The following OXNAD1 variants were observed in gnomAD, a reference collection of about 807,000 sequenced individuals.
OXNAD1 encodes oxidoreductase NAD binding domain containing 1.
A neutral mutation model predicts 32.9 loss-of-function variants in OXNAD1; 34 were observed. That is an observed-to-expected ratio of 1.03 (90% CI 0.79 to 1.38). The LOEUF is 1.38. Among genes scored for constraint, OXNAD1 ranks in the 40% most tolerant of loss-of-function variants. The pLI is 0.00. For missense variants in OXNAD1, 407 were observed against 379.4 expected, an observed-to-expected ratio of 1.07 and a Z score of -0.60; for synonymous variants, 134 against 135.2, an observed-to-expected ratio of 0.99 and a Z score of 0.06.
intron 9 of OXNAD1, among the ~76,000 whole-genome samples, chr3:16,332,832 G>T (rs77503351): frequency 1.9e-4 from 23 of 121,414 alleles, no homozygotes; most frequent in Non-Finnish European, 3.5e-4. Flanking sequence ...TGTGGGCATC[G>T]ATTTATCTAC....
In OXNAD1 at chr3:16,273,384, G is replaced by GTTTT. The variant is rs34572763; in HGVS notation, c.183+1677_183+1680dup. Among the ~76,000 whole-genome samples the GTTTT allele has an allele frequency of 8.0e-4, 97 of 121,006 alleles. 3 individuals carry two copies. Among genetic ancestry groups the GTTTT allele is most frequent in the East Asian group, 3.0e-3 (13 of 4,312 alleles). 79.4% of individuals were successfully genotyped at this position (121,006 alleles called of 152,430 possible). ...GATAGATAGTTAATAGTATTTTCTT[G>GTTTT]TTTTTTTTTTTTTTTTTTGAGACAG... On this transcript the variant is annotated intron_variant, in intron 4 of 8. Coordinates refer to ENST00000285083, the MANE Select transcript of OXNAD1 (RefSeq NM_138381.5).
At position 16,316,951 on chromosome 3, in the gene OXNAD1, A is replaced by G. The variant is rs948871874; in HGVS notation, c.*30+13359A>G. ...GGGCCCTGCTGTGGCTGGCAGGACC[A>G]TTCTGCACAGCCTCACCCTCCACAC... On this transcript the variant is annotated intron_variant, in intron 9 of 9. Coordinates refer to the OXNAD1 transcript ENST00000435829. This position sits in a 1 kb window ranked among gnomAD's most constrained non-coding sequence, Gnocchi z 4.5. The G allele has an allele frequency of 1.2e-5, 19 of 1,613,836 alleles. No homozygotes were observed. The highest frequency in any genetic ancestry group is 1.5e-5 in the Non-Finnish European group (18 of 1,179,998).
chr3:16,316,868 G>A lies in OXNAD1; in HGVS notation c.*30+13276G>A, dbSNP rs1442068316. On this transcript the variant is annotated intron_variant, in intron 9 of 9. Transcript: ENST00000435829. This position sits in a 1 kb window ranked among gnomAD's most constrained non-coding sequence, Gnocchi z 4.5. ...CGTACCAAGCTCTCTGACTTCCTCA[G>A]CATCCCCGTCCCTGGCATCCTCTCC... 6.2e-7 allele frequency: 1 copy of A among 1,614,148 alleles called. No individual in the cohort carries two copies. Among genetic ancestry groups the A allele is most frequent in the Admixed American group, 1.7e-5 (1 of 60,012 alleles).
chr3:16,316,836 C>T lies in OXNAD1; in HGVS notation c.*30+13244C>T. 1 of 1,613,938 alleles carries T rather than the reference C, an allele frequency of 6.2e-7. No individual in the cohort carries two copies. Among genetic ancestry groups the T allele is most frequent in the Non-Finnish European group, 8.5e-7 (1 of 1,179,978 alleles). The stretch of plus-strand genomic sequence containing the variant: ...CACAAATTGCCCAAGACTCAGTTTT[C>T]TTCAACCGTACCAAGCTCTCTGACT... On this transcript the variant is annotated intron_variant, in intron 9 of 9. Transcript: ENST00000435829. The surrounding 1 kb of genome is among the most constrained non-coding windows in gnomAD (Gnocchi z 4.5).
chr3:16,276,925 CT>C (rs201229589), intron 4 of OXNAD1, among the ~76,000 whole-genome samples: 68,395 of 133,596 alleles, frequency 0.51, 16,501 homozygotes, highest in African/African-American at 0.56. Flanking sequence ...TTCTTTCTTT[CT>C]TTTTTTTTTT....
chr3:16,315,495 G>A, intron 9 of OXNAD1: 1 of 150,742 alleles, frequency 6.6e-6, no homozygotes, highest in African/African-American at 2.4e-5. Flanking sequence ...GAAATAACTT[G>A]CCTCACTAAT....
rs77883979 is a variant in OXNAD1 at position 16,266,602 on chromosome 3, CAAAA to C, written c.-159+1118_-159+1121del. On this transcript the variant is annotated intron_variant, in intron 1 of 8. Transcript: ENST00000285083. ...TGGGCGACAGAGCTAGACGCTGTCTCAAAAAAAAAAAAAAAAAAAAAAAAGAAGT... is the reference window on the plus strand; with the variant it reads ...TGGGCGACAGAGCTAGACGCTGTCTCAAAAAAAAAAAAAAAAAAAAGAAGT... Among the ~76,000 whole-genome samples, 6 of 73,084 alleles carry C rather than the reference CAAAA, an allele frequency of 8.2e-5. No homozygotes were observed. In the East Asian group the frequency reaches 1.3e-3, roughly 16 times the overall value. The allele number at this position is 73,084 out of a possible 152,430, so 47.9% of individuals were successfully genotyped here. A position where few individuals can be genotyped will look rare whatever the true frequency, so the allele number is the denominator to read the frequency against.
intron 1 of OXNAD1, among the ~76,000 whole-genome samples, chr3:16,266,602 C>CAAAAAAAAAAAAAAAAAAAAAAAAAAAAA (rs77883979): frequency 1.4e-5 from 1 of 73,084 alleles, no homozygotes; most frequent in Non-Finnish European, 2.5e-5. Flanking sequence ...GACGCTGTCT[C>CAAAAAAAAAAAAAAAAAAAAAAAAAAAAA]AAAAAAAAAA....
At chr3:16,282,436 A>G (rs1034461038) in intron 4 of OXNAD1, among the ~76,000 whole-genome samples, 3 of 151,938 alleles carry the variant, frequency 2.0e-5, no homozygotes, top group Non-Finnish European at 2.9e-5. Flanking sequence ...TAAGTGACTT[A>G]AAGTTCAAGT....
rs972879625 is a variant in OXNAD1 at position 16,320,258 on chromosome 3, C to T, written c.*30+16666C>T. Among the ~76,000 whole-genome samples, 6 of 152,226 alleles carry T rather than the reference C, an allele frequency of 3.9e-5. No homozygotes were observed. Among genetic ancestry groups the T allele is most frequent in the Non-Finnish European group, 7.3e-5 (5 of 68,050 alleles). On this transcript the variant is annotated intron_variant, in intron 9 of 9. Coordinates refer to the OXNAD1 transcript ENST00000435829. This position sits in a 1 kb window ranked among gnomAD's most constrained non-coding sequence, Gnocchi z 4.5. ...TTTAATATTTGCCTTGAAAATCACA[C>T]GCACGTACACAGAGGTTTCTTTCCA...
At chr3:16,279,713 G>T (rs375096008) in intron 4 of OXNAD1, among the ~76,000 whole-genome samples, 1 of 152,174 alleles carries the variant, frequency 6.6e-6, no homozygotes, top group East Asian at 1.9e-4. Context: ...GAAAGAGAGA[G>T]GAGCCAACTG....
At chr3:16,308,436 A>ATGTCTTGTTGCTCCTATTTTTTTTTTC (rs2067721021), downstream of OXNAD1, among the ~76,000 whole-genome samples, 1 of 152,110 alleles carries the variant, frequency 6.6e-6, no homozygotes, top group Non-Finnish European at 1.5e-5. This position sits in a 1 kb window ranked among gnomAD's most constrained non-coding sequence, Gnocchi z 4.4. Context: ...ATCCAAGGGC[A>ATGTCTTGTTGCTCCTATTTTTTTTTTC]TGTCTTGTTG....
intron 9 of OXNAD1, among the ~76,000 whole-genome samples, chr3:16,319,497 G>A (rs1339751043): frequency 6.6e-6 from 1 of 152,168 alleles, no homozygotes; most frequent in Non-Finnish European, 1.5e-5. Context: ...CATTCATATT[G>A]TATTTGATGT....
At chr3:16,323,952 G>A (rs1241997913) in intron 9 of OXNAD1, among the ~76,000 whole-genome samples, 5 of 152,180 alleles carry the variant, frequency 3.3e-5, no homozygotes, top group African/African-American at 4.8e-5. Context: ...AGCACCAGGC[G>A]GGCCCTGCAA....
At position 16,314,946 on chromosome 3, in the gene OXNAD1, A is replaced by C. The variant is rs2068234021; in HGVS notation, c.*30+11354A>C. On this transcript the variant is annotated intron_variant, in intron 9 of 9. Coordinates refer to the OXNAD1 transcript ENST00000435829. The surrounding 1 kb of genome is among the most constrained non-coding windows in gnomAD (Gnocchi z 4.4). ...CAAAATGCTGTATAGACATTGACTT[A>C]GTTGTGGAAAATGTCATTAAAAAAT... The C allele has an allele frequency of 6.6e-6, 1 of 152,208 alleles. No individual in the cohort carries two copies. Among genetic ancestry groups the C allele is most frequent in the South Asian group, 2.1e-4 (1 of 4,834 alleles). 9.4% of individuals were successfully genotyped at this position (152,208 alleles called of 1,614,324 possible).
Position 16,317,094 on chromosome 3 carries a change from T to C in OXNAD1, c.*30+13502T>C, listed in dbSNP as rs201795053. 3.2e-4 allele frequency: 515 copies of C among 1,613,850 alleles called. No individual in the cohort carries two copies. Among genetic ancestry groups the C allele is most frequent in the Non-Finnish European group, 3.8e-4 (453 of 1,180,006 alleles). ...TGCTGTCCTGAAACACAGTTTCCCA[T>C]GTCTCCAGCTTTGGAAGACTGGTCT... On this transcript the variant is annotated intron_variant, in intron 9 of 9. Transcript: ENST00000435829. This position sits in a 1 kb window ranked among gnomAD's most constrained non-coding sequence, Gnocchi z 4.3.
In OXNAD1 at chr3:16,298,741, G is replaced by T. The variant is rs955187755; in HGVS notation, c.433-2885G>T. Among the ~76,000 whole-genome samples, 7 of 152,160 alleles carry T rather than the reference G, an allele frequency of 4.6e-5. No individual in the cohort carries two copies. Among genetic ancestry groups the T allele is most frequent in the African/African-American group, 1.4e-4 (6 of 41,438 alleles). On this transcript the variant is annotated intron_variant, in intron 6 of 8. Coordinates refer to ENST00000285083, the MANE Select transcript of OXNAD1 (RefSeq NM_138381.5). The surrounding 1 kb of genome is among the most constrained non-coding windows in gnomAD (Gnocchi z 5.1). The stretch of plus-strand genomic sequence containing the variant: ...GGCTCAAGCTCTTGGCAGGGTAAAG[G>T]GTTCTAGACAGCTATTGTGTGCTCA...
chr3:16,343,148 A>G (rs1459844265), intron 9 of OXNAD1, among the ~76,000 whole-genome samples: 2 of 152,176 alleles, frequency 1.3e-5, no homozygotes, highest in African/African-American at 4.8e-5. Context: ...CCAGAATGTG[A>G]ATTTTTAATA....
chr3:16,278,908 G>A (rs1182641413), intron 4 of OXNAD1, among the ~76,000 whole-genome samples: 1 of 152,178 alleles, frequency 6.6e-6, no homozygotes, highest in Non-Finnish European at 1.5e-5. Context: ...GGGATGGTCT[G>A]CTTAGCTGCA....
Sources: gnomAD v4.1 joint callset for allele counts (sites outside exome capture counted in the v4.1 genomes callset) on GRCh38, gnomAD v4.1.1 for gene constraint, Gnocchi (gnomAD v3.1) non-coding constraint, MANE v1.5 for transcripts, NCBI Gene and HGNC (gene_info 2026-07-23, HGNC 2026-07-21) for gene names.